Variants in SLC20A1 observed in about 807,000 individuals in gnomAD.
SLC20A1 encodes sodium-dependent phosphate transporter 1.
A neutral mutation model predicts 62.7 loss-of-function variants in SLC20A1; 28 were observed. That is an observed-to-expected ratio of 0.45 (90% CI 0.33 to 0.61). The LOEUF (loss-of-function observed/expected upper bound fraction) is 0.61, where lower values mean the gene tolerates loss of function less well. Among genes scored for constraint, SLC20A1 ranks in the 20% least tolerant of loss-of-function variants. The pLI, the probability that SLC20A1 is intolerant of heterozygous loss-of-function variation, is 0.02. For missense variants in SLC20A1, 673 were observed against 838.6 expected, an observed-to-expected ratio of 0.80 and a Z score of 2.44; for synonymous variants, 305 against 302.9, an observed-to-expected ratio of 1.01 and a Z score of -0.07.
chr2:112,656,900 T>TC (rs1387698245), intron 5 of SLC20A1: 1 of 567,066 alleles, frequency 1.8e-6, no homozygotes, highest in Non-Finnish European at 3.3e-6. Flanking sequence ...CCGCAGGTGT[T>TC]CAAGTGGGCT....
chr2:112,647,575 A>G, intron 3 of SLC20A1, 78 bp from the exon 4 acceptor site: 1 of 1,574,024 alleles, frequency 6.4e-7, no homozygotes, highest in Non-Finnish European at 8.7e-7. Context: ...AAGAATTTTG[A>G]ACTCTTAAAC....
chr2:112,652,583 AACT>A, intron 4 of SLC20A1, 116 bp from the exon 5 acceptor site: 2 of 749,424 alleles, frequency 2.7e-6, no homozygotes, highest in South Asian at 3.5e-5. Context: ...TGTCCTTGGA[AACT>A]ACTCTGGAGA....
rs1242385543 is a variant in SLC20A1 at position 112,663,019 on chromosome 2, A to C, written c.2034A>C (p.Arg678Ser). 7 of 1,613,922 alleles carry C rather than the reference A, an allele frequency of 4.3e-6. No individual in the cohort carries two copies. The highest frequency in any genetic ancestry group is 3.3e-5 in the Admixed American group (2 of 59,996). ...IMAIFRYVIL[R>S]M ...CAATCTTCAGATATGTCATCCTCAG[A>C]ATGTGAAGCTGTTTGAGATTAAAAT... is the stretch of plus-strand genomic sequence containing the variant. The change falls in exon 11 of 11, where the codon AGA (arginine) becomes AGC (serine). Residue 678 changes from arginine to serine, a missense_variant. Physicochemically the swap from Arg to Ser is moderately radical, Grantham distance 110. Transcript: ENST00000272542.
intron 5 of SLC20A1, among the ~76,000 whole-genome samples, chr2:112,655,214 G>A (rs1039726388): frequency 1.3e-5 from 2 of 151,784 alleles, no homozygotes; most frequent in Non-Finnish European, 2.9e-5. Context: ...GGTGATCCAC[G>A]GACCTCAGCC....
Position 112,647,343 on chromosome 2 carries a change from C to T in SLC20A1, c.354C>T (p.Leu118=), listed in dbSNP as rs529902981. The change falls in exon 3 of 11, where the codon CTC becomes CTT. Residue 118 remains leucine, a synonymous_variant. Coordinates refer to ENST00000272542, the MANE Select transcript of SLC20A1 (RefSeq NM_005415.5). ...SAMFGSAVWQ[L]VASFLKLPIS... ...TTTCAGGTTCTGCTGTGTGGCAACT[C>T]GTGGCTTCGTTTTTGAAGCTCCCTA... 1.7e-4 allele frequency: 269 copies of T among 1,613,660 alleles called. 6 individuals are homozygous for T. In the South Asian group the frequency reaches 2.9e-3, roughly 17 times the overall value.
Position 112,647,723 on chromosome 2 carries a change from A to G in SLC20A1, c.546A>G (p.Ala182=), listed in dbSNP as rs1686322169. ...MSGILFFLVR[A]FILHKADPVP... ...GAATTTTATTCTTCCTGGTTCGTGC[A>G]TTCATCCTCCATAAGGTAACCTTTC... The change falls in exon 4 of 11, where the codon GCA becomes GCG. Residue 182 remains alanine (A), a synonymous_variant. Transcript: ENST00000272542. 1.2e-6 allele frequency: 2 copies of G among 1,613,696 alleles called. No homozygotes were observed.
intron 6 of SLC20A1, 21 bp downstream of exon 6, chr2:112,657,262 A>G (rs1408730350): frequency 1.9e-6 from 3 of 1,606,366 alleles, no homozygotes; most frequent in Non-Finnish European, 2.6e-6. Flanking sequence ...ACTAAACAGC[A>G]GAAAAGTTTA....
intron 9 of SLC20A1, chr2:112,660,782 G>A: frequency 1.9e-6 from 1 of 532,006 alleles, no homozygotes; most frequent in Admixed American, 3.6e-5. Context: ...GGTCTCTGAA[G>A]AAAATGACTT....
Position 112,661,132 on chromosome 2 carries a change from G to A in SLC20A1, c.1794-10G>A. The A allele has an allele frequency of 1.2e-6, 2 of 1,611,364 alleles. No homozygotes were observed. Among genetic ancestry groups the A allele is most frequent in the Non-Finnish European group, 1.7e-6 (2 of 1,177,640 alleles). On this transcript the variant is annotated splice_polypyrimidine_tract_variant and intron_variant, in intron 9 of 10. Transcript: ENST00000272542. ...CTCACTTCCTGACAAGAATCCTTTT[G>A]TGTCTGTAGTGGCTTCAGTATTGAA... is the stretch of plus-strand genomic sequence containing the variant.
chr2:112,647,441 A>C lies in SLC20A1; in HGVS notation c.452A>C (p.Lys151Thr), dbSNP rs191761952. 3.1e-6 allele frequency: 5 copies of C among 1,613,968 alleles called. No homozygotes were observed. In the East Asian group the frequency reaches 8.9e-5, roughly 29 times the overall value. The change falls in exon 3 of 11, where the codon AAG becomes ACG. Residue 151 changes from lysine (K) to threonine (T), a missense_variant. Coordinates refer to ENST00000272542, the MANE Select transcript of SLC20A1 (RefSeq NM_005415.5). ...GTGGCAAAGGGGCAGGAGGGTGTCAAGTGGTCTGAACTGATAAAAATTGGT... is the reference window on the plus strand; with the variant it reads ...GTGGCAAAGGGGCAGGAGGGTGTCACGTGGTCTGAACTGATAAAAATTGGT... The part of the protein sequence containing the change: ...SLVAKGQEGV[K>T]WSELIKIVMS...
At chr2:112,649,803 C>G (rs1227785052) in intron 4 of SLC20A1, among the ~76,000 whole-genome samples, 2 of 152,100 alleles carry the variant, frequency 1.3e-5, no homozygotes, top group Non-Finnish European at 2.9e-5. Flanking sequence ...GATGTCTTCC[C>G]TTTTCTTTAG....
rs535912709 is a variant in SLC20A1, at chr2:112,652,747, G to C, written c.607G>C (p.Ala203Pro). The C allele has an allele frequency of 6.2e-7, 1 of 1,614,122 alleles. No homozygotes were observed. Among genetic ancestry groups the C allele is most frequent in the East Asian group, 2.2e-5 (1 of 44,876 alleles). Residue 203 changes from alanine (A) to proline (P), a missense_variant, in exon 5 of 11, where the codon GCC becomes CCC. By Grantham distance (27) the Ala-to-Pro change is conservative. Transcript: ENST00000272542. ...NGLRALPVFY[A>P]CTVGINLFSI... The stretch of plus-strand genomic sequence containing the variant: ...TTTGCGAGCTTTGCCAGTTTTCTAT[G>C]CCTGCACAGTTGGAATAAACCTCTT...
chr2:112,653,180 T>G (rs944707033), intron 5 of SLC20A1: 4 of 301,854 alleles, frequency 1.3e-5, no homozygotes, highest in Non-Finnish European at 2.6e-5. Flanking sequence ...TTGCTGGATA[T>G]TCTCATTTTT....
intron 10 of SLC20A1, among the ~76,000 whole-genome samples, chr2:112,662,443 T>C (rs999960925): frequency 1.6e-4 from 18 of 110,834 alleles, no homozygotes; most frequent in South Asian, 1.1e-3. Context: ...TAGCTAGGCG[T>C]GGTGGTGGGT....
intron 5 of SLC20A1, among the ~76,000 whole-genome samples, chr2:112,654,352 C>A (rs1363709545): frequency 1.3e-5 from 2 of 152,112 alleles, no homozygotes; most frequent in Non-Finnish European, 2.9e-5. Flanking sequence ...AACACTCATT[C>A]TTTATGTGGT....
In SLC20A1 at chr2:112,659,248, G is replaced by A. The variant is rs1478277333; in HGVS notation, c.1093G>A (p.Ala365Thr). Residue 365 changes from alanine to threonine, a missense_variant, in exon 8 of 11, where the codon GCC becomes ACC. Ala to Thr is a moderately conservative substitution (Grantham distance 58). Coordinates refer to ENST00000272542, the MANE Select transcript of SLC20A1 (RefSeq NM_005415.5). Reference protein sequence around the residue: ...PNGNLVQFSQAVSNQINSSGH... With the variant: ...PNGNLVQFSQTVSNQINSSGH... Reference sequence around the variant, plus strand: ...TGGGAACCTTGTCCAGTTCAGTCAAGCCGTCAGCAACCAAATAAACTCCAG... The same window carrying A: ...TGGGAACCTTGTCCAGTTCAGTCAAACCGTCAGCAACCAAATAAACTCCAG... 6.2e-7 allele frequency: 1 copy of A among 1,614,046 alleles called. No individual in the cohort carries two copies. Among genetic ancestry groups the A allele is most frequent in the Non-Finnish European group, 8.5e-7 (1 of 1,180,040 alleles).
rs1686695700 is a variant in SLC20A1, at chr2:112,659,640, A to G, written c.1485A>G (p.Gly495=). The change falls in exon 8 of 11, where the codon GGA becomes GGG. Residue 495 remains glycine, a synonymous_variant. Coordinates refer to ENST00000272542, the MANE Select transcript of SLC20A1 (RefSeq NM_005415.5). ...KAEMGLGDRK[G]SNGSLEEWYD... ...AGATGGGTCTAGGTGACAGAAAAGGAAGTAATGGCTCTCTAGAAGAATGGT... is the reference window on the plus strand; with the variant it reads ...AGATGGGTCTAGGTGACAGAAAAGGGAGTAATGGCTCTCTAGAAGAATGGT... The G allele has an allele frequency of 6.2e-7, 1 of 1,614,098 alleles. No individual in the cohort carries two copies. Among genetic ancestry groups the G allele is most frequent in the African/African-American group, 1.3e-5 (1 of 74,934 alleles).
intron 5 of SLC20A1, among the ~76,000 whole-genome samples, chr2:112,653,516 G>A (rs1686495687): frequency 6.6e-6 from 1 of 152,212 alleles, no homozygotes; most frequent in South Asian, 2.1e-4. Context: ...TACATAGGCA[G>A]TGACTTTTAT....
rs1476140362 is a variant in SLC20A1, at chr2:112,648,205, A to T, written c.561+467A>T. Reference sequence around the variant, plus strand: ...CTTCTAGATGAGGACTCTGCCTCCCATAGTGACTTGACTCCAATTTCTCAG... The same window carrying T: ...CTTCTAGATGAGGACTCTGCCTCCCTTAGTGACTTGACTCCAATTTCTCAG... On this transcript the variant is annotated intron_variant, in intron 4 of 10. Coordinates refer to ENST00000272542, the MANE Select transcript of SLC20A1 (RefSeq NM_005415.5). Among the ~76,000 whole-genome samples, 5 of 152,310 alleles carry T rather than the reference A, an allele frequency of 3.3e-5. No homozygotes were observed. The East Asian group carries it at 9.6e-4, about 29-fold the overall frequency.
Sources: gnomAD v4.1 joint callset for allele counts (sites outside exome capture counted in the v4.1 genomes callset) on GRCh38, gnomAD v4.1.1 for gene constraint, MANE v1.5 for transcripts, NCBI Gene and HGNC (gene_info 2026-07-23, HGNC 2026-07-21) for gene names.